The following EFHD1 variants were observed in gnomAD, a reference collection of about 807,000 sequenced individuals.
EFHD1 encodes the protein EF-hand domain family member D1.
In EFHD1, 10 loss-of-function variants were observed where a neutral mutation model predicts 17.2. The ratio of observed to expected loss-of-function variants is 0.58; its 90% CI spans 0.36 to 0.99. The LOEUF is 0.99. Ranked by LOEUF, EFHD1 falls within the 50% of genes least tolerant of loss-of-function variation. The probability of loss-of-function intolerance (pLI) is 0.01; values close to 1 mark genes in which losing one functional copy is unlikely to be tolerated. For synonymous variants in EFHD1, 153 were observed against 142.0 expected, an observed-to-expected ratio of 1.08 and a Z score of -0.55; for missense variants, 310 against 327.5, an observed-to-expected ratio of 0.95 and a Z score of 0.41.
At chr2:232,672,538 C>T in intron 3 of EFHD1, 95 bp downstream of exon 3, 2 of 1,491,134 alleles carry the variant, frequency 1.3e-6, no homozygotes, top group South Asian at 1.4e-5. Context: ...GCAGAGCACA[C>T]CTGCAGAAAC....
At chr2:232,637,077 A>G (rs1025446572) in intron 1 of EFHD1, among the ~76,000 whole-genome samples, 2 of 152,138 alleles carry the variant, frequency 1.3e-5, no homozygotes, top group Admixed American at 1.3e-4. Context: ...ATGAAATGCC[A>G]CAAAGTGGGT....
rs554839172 is a variant in EFHD1, at chr2:232,623,531, A to C, written c.14+17358A>C. Among the ~76,000 whole-genome samples, 273 of 151,858 alleles carry C rather than the reference A, an allele frequency of 1.8e-3. 1 individual carries two copies. Among genetic ancestry groups the C allele is most frequent in the Non-Finnish European group, 2.7e-3 (182 of 67,930 alleles). On this transcript the variant is annotated intron_variant, in intron 1 of 3. Coordinates refer to the EFHD1 transcript ENST00000409613. ...TCTACTAAAAATACAAAAATTAGCC[A>C]GGTGTGGTGGCAGGTGCCTGTAATC...
intron 1 of EFHD1, among the ~76,000 whole-genome samples, chr2:232,651,300 C>T (rs1694650049): frequency 6.6e-6 from 1 of 152,206 alleles, no homozygotes; most frequent in Non-Finnish European, 1.5e-5. Flanking sequence ...GGCTGGATTC[C>T]AAATTGCAAG....
At chr2:232,666,227 A>G (rs769417309) in intron 2 of EFHD1, among the ~76,000 whole-genome samples, 4 of 152,206 alleles carry the variant, frequency 2.6e-5, no homozygotes, top group Non-Finnish European at 4.4e-5. Context: ...TTTGCATGCC[A>G]GAGCCAAGGA....
chr2:232,677,781 T>C (rs1695205591), intron 3 of EFHD1, among the ~76,000 whole-genome samples: 1 of 152,132 alleles, frequency 6.6e-6, no homozygotes, highest in Non-Finnish European at 1.5e-5. Flanking sequence ...CACAGTTAAA[T>C]GTTGGGAAAT....
chr2:232,648,894 C>T (rs1002603618), intron 1 of EFHD1, among the ~76,000 whole-genome samples: 1 of 152,144 alleles, frequency 6.6e-6, no homozygotes, highest in African/African-American at 2.4e-5. Flanking sequence ...ACTCTTGTGT[C>T]CTGGTGTCCC....
intron 1 of EFHD1, among the ~76,000 whole-genome samples, chr2:232,626,322 G>A (rs1239779716): frequency 6.6e-6 from 1 of 151,942 alleles, no homozygotes; most frequent in Non-Finnish European, 1.5e-5. Flanking sequence ...GAGGCAGGCG[G>A]ATCACTTGAG....
chr2:232,630,062 A>T (rs543583968), upstream of EFHD1, among the ~76,000 whole-genome samples: 16 of 151,518 alleles, frequency 1.1e-4, no homozygotes, highest in Admixed American at 3.3e-4. Flanking sequence ...CGATTCTCCC[A>T]CCTCTGCCTC....
chr2:232,632,449 G>A (rs1694220495), upstream of EFHD1, among the ~76,000 whole-genome samples: 1 of 152,212 alleles, frequency 6.6e-6, no homozygotes, highest in South Asian at 2.1e-4. Context: ...GTTCTCAAGT[G>A]GGGACAGACC....
At chr2:232,623,118 C>G (rs1694048468) in intron 1 of EFHD1, among the ~76,000 whole-genome samples, 1 of 152,126 alleles carries the variant, frequency 6.6e-6, no homozygotes, top group Non-Finnish European at 1.5e-5. Context: ...ACGATCAGGG[C>G]TCACTACAGC....
At chr2:232,655,869 C>T (rs146096867) in intron 1 of EFHD1, among the ~76,000 whole-genome samples, 14,178 of 148,516 alleles carry the variant, frequency 0.095, 890 homozygotes, top group South Asian at 0.29. Flanking sequence ...TGCAGTGGCA[C>T]GACCTCGGCT....
chr2:232,667,541 AT>A lies in EFHD1; in HGVS notation c.450+4595del, dbSNP rs1307063714. 3.1e-3 allele frequency among the ~76,000 whole-genome samples: 440 copies of A among 143,538 alleles called. 2 individuals are homozygous for A. Among genetic ancestry groups the A allele is most frequent in the African/African-American group, 7.3e-3 (262 of 35,924 alleles). 94.2% of individuals were successfully genotyped at this position (143,538 alleles called of 152,430 possible). On this transcript the variant is annotated intron_variant, in intron 2 of 3. Coordinates refer to ENST00000264059, the MANE Select transcript of EFHD1 (RefSeq NM_025202.4). ...TTATTTTATTTTAATTAATTAATTA[AT>A]TTATTTATTTATTTATTTATTTATT...
chr2:232,615,641 A>C (rs1049919398), intron 1 of EFHD1, among the ~76,000 whole-genome samples: 9 of 151,922 alleles, frequency 5.9e-5, no homozygotes, highest in South Asian at 2.1e-4. Flanking sequence ...CTTTTTAAAA[A>C]ATAGTGTAGT....
At chr2:232,637,308 C>T (rs1694336097) in intron 1 of EFHD1, among the ~76,000 whole-genome samples, 1 of 151,492 alleles carries the variant, frequency 6.6e-6, no homozygotes, top group Non-Finnish European at 1.5e-5. Flanking sequence ...CTGGTGCTCT[C>T]CCTGTGTGTG....
Position 232,633,878 on chromosome 2 carries a change from G to A in EFHD1, c.174G>A (p.Gln58=). 1 of 1,538,732 alleles carries A rather than the reference G, an allele frequency of 6.5e-7. No individual in the cohort carries two copies. The change falls in exon 1 of 4, where the codon CAG becomes CAA. Residue 58 remains glutamine (Q), a synonymous_variant. Transcript: ENST00000264059. Reference sequence around the variant, plus strand: ...GCGCCGACGCGGAGCTGAGCGCCCAGCTGAGCCGGCGGCTGGACATCAACG... The same window carrying A: ...GCGCCGACGCGGAGCTGAGCGCCCAACTGAGCCGGCGGCTGGACATCAACG... The part of the protein sequence containing the change: ...TASADAELSA[Q]LSRRLDINEG...
intron 1 of EFHD1, among the ~76,000 whole-genome samples, chr2:232,608,382 T>C (rs923934443): frequency 1.3e-5 from 2 of 152,050 alleles, no homozygotes; most frequent in African/African-American, 4.8e-5. Context: ...AATAAATGAA[T>C]TGGTGTAGTA....
At chr2:232,675,455 C>CAG (rs1695154960) in intron 3 of EFHD1, among the ~76,000 whole-genome samples, 1 of 152,094 alleles carries the variant, frequency 6.6e-6, no homozygotes, top group Non-Finnish European at 1.5e-5. Context: ...TTGGGAAGGT[C>CAG]AGGCCTTCCC....
At chr2:232,645,124 C>T (rs1694504981) in intron 1 of EFHD1, among the ~76,000 whole-genome samples, 1 of 151,936 alleles carries the variant, frequency 6.6e-6, no homozygotes, top group African/African-American at 2.4e-5. Context: ...CACCTTACTC[C>T]CAGTCATGTT....
intron 3 of EFHD1, among the ~76,000 whole-genome samples, chr2:232,678,556 G>A (rs189490462): frequency 1.7e-4 from 26 of 152,264 alleles, no homozygotes; most frequent in South Asian, 1.7e-3. Context: ...AGGCCGAGGC[G>A]GTTGGATCAC....
Sources: allele counts gnomAD v4.1 joint callset (sites outside exome capture counted in the v4.1 genomes callset), GRCh38; gene constraint gnomAD v4.1.1; transcripts MANE v1.5; gene names NCBI Gene and HGNC (gene_info 2026-07-23, HGNC 2026-07-21).